The following CFAP221 variants were observed in gnomAD, a reference collection of about 807,000 sequenced individuals.
The protein encoded by CFAP221 is cilia- and flagella-associated protein 221.
Under a neutral mutation model 113.1 loss-of-function variants are expected in CFAP221, and 97 were observed. The observed-to-expected ratio is 0.86, with a 90% CI of 0.73 to 1.02. The LOEUF (loss-of-function observed/expected upper bound fraction) is 1.02, where lower values mean the gene tolerates loss of function less well. Among genes scored for constraint, CFAP221 ranks in the 50% least tolerant of loss-of-function variants. CFAP221 has a pLI of 0.00. For synonymous variants in CFAP221, 331 were observed against 354.4 expected (o/e 0.93, Z 0.74); for missense variants, 1,025 against 1,013.4 (o/e 1.01, Z -0.16).
intron 14 of CFAP221, among the ~76,000 whole-genome samples, chr2:119,620,691 G>A (rs1433257373): frequency 6.6e-6 from 1 of 152,052 alleles, no homozygotes; most frequent in Non-Finnish European, 1.5e-5. Context: ...CAATTAATGG[G>A]CAAAACAACC....
intron 21 of CFAP221, among the ~76,000 whole-genome samples, chr2:119,642,721 G>A (rs920709112): frequency 3.3e-5 from 5 of 151,828 alleles, no homozygotes; most frequent in Non-Finnish European, 5.9e-5. Context: ...TTTATTTATT[G>A]TAGAGATATG....
chr2:119,657,621 C>G (rs892962739), downstream of CFAP221, among the ~76,000 whole-genome samples: 1 of 152,196 alleles, frequency 6.6e-6, no homozygotes, highest in East Asian at 1.9e-4. Context: ...TGACAATGAT[C>G]AGAAACAGGA....
At chr2:119,630,177 T>G (rs1686668516) in intron 17 of CFAP221, among the ~76,000 whole-genome samples, 1 of 152,210 alleles carries the variant, frequency 6.6e-6, no homozygotes, top group Admixed American at 6.5e-5. Flanking sequence ...ACCTATATCA[T>G]GCATATATGA....
At chr2:119,632,348 A>C (rs1686829742) in intron 19 of CFAP221, among the ~76,000 whole-genome samples, 1 of 152,250 alleles carries the variant, frequency 6.6e-6, no homozygotes, top group East Asian at 1.9e-4. Context: ...ATACAAGATT[A>C]ATTTAACATT....
chr2:119,546,171 G>A lies in CFAP221; in HGVS notation c.40G>A (p.Ala14Thr), dbSNP rs1268556930. Residue 14 changes from alanine to threonine, a missense_variant, in exon 2 of 24, where the codon GCT becomes ACT. Transcript: ENST00000413369. Reference protein sequence around the residue: ...VKTPSRGLKNAKEPFNNASPH... With the variant: ...VKTPSRGLKNTKEPFNNASPH... ...AACCCCCAGCAGAGGACTAAAGAAT[G>A]CTAAAGAACCCTTTAATAATGCATC... The A allele has an allele frequency of 1.3e-6, 2 of 1,535,640 alleles. No individual in the cohort carries two copies. Among genetic ancestry groups the A allele is most frequent in the South Asian group, 2.4e-5 (2 of 83,936 alleles).
At chr2:119,583,521 T>C (rs1682992614) in intron 6 of CFAP221, among the ~76,000 whole-genome samples, 1 of 152,042 alleles carries the variant, frequency 6.6e-6, no homozygotes, top group Non-Finnish European at 1.5e-5. Flanking sequence ...GATAAACTTT[T>C]ACAACCCATA....
At chr2:119,600,670 G>A (rs539504244) in intron 7 of CFAP221, among the ~76,000 whole-genome samples, 2 of 152,320 alleles carry the variant, frequency 1.3e-5, no homozygotes, top group African/African-American at 4.8e-5. Context: ...AGAATGTACA[G>A]TTGACCCTTG....
chr2:119,659,094 T>C (rs1244531439), downstream of CFAP221, among the ~76,000 whole-genome samples: 1 of 152,186 alleles, frequency 6.6e-6, no homozygotes, highest in African/African-American at 2.4e-5. Flanking sequence ...CTTTCCTTAA[T>C]TGTAACTTCT....
intron 14 of CFAP221, among the ~76,000 whole-genome samples, chr2:119,617,263 A>G (rs1685591157): frequency 1.3e-5 from 2 of 152,200 alleles, no homozygotes; most frequent in African/African-American, 4.8e-5. Flanking sequence ...CCAAGGCCCC[A>G]TGACCCTCAC....
At chr2:119,576,266 G>T (rs902707769) in intron 6 of CFAP221, among the ~76,000 whole-genome samples, 19 of 151,960 alleles carry the variant, frequency 1.3e-4, no homozygotes, top group Non-Finnish European at 2.8e-4. Context: ...ATTTCACAGG[G>T]GTTTATTTTA....
chr2:119,624,348 A>G (rs988310262), intron 14 of CFAP221, among the ~76,000 whole-genome samples: 1 of 152,214 alleles, frequency 6.6e-6, no homozygotes, highest in South Asian at 2.1e-4. Context: ...TAGAATGGCA[A>G]TCATTAAAAA....
At chr2:119,640,681 C>T (rs969354856) in intron 21 of CFAP221, among the ~76,000 whole-genome samples, 1 of 152,176 alleles carries the variant, frequency 6.6e-6, no homozygotes, top group African/African-American at 2.4e-5. Context: ...ATGAGGCCCA[C>T]CCCAAGGTGG....
In CFAP221 at chr2:119,630,657, G is replaced by T. The variant is rs1230365309; in HGVS notation, c.1819G>T (p.Ala607Ser). ...TTACAGACCTCAAAAGCTTGCCCGAGCCCTAAAGCAAGGAGCTGAGGTAAC... is the reference window on the plus strand; with the variant it reads ...TTACAGACCTCAAAAGCTTGCCCGATCCCTAAAGCAAGGAGCTGAGGTAAC... Reference protein sequence around the residue: ...TSYRPQKLARALKQGAEDEVT... With the variant: ...TSYRPQKLARSLKQGAEDEVT... Residue 607 changes from alanine to serine, a missense_variant, in exon 18 of 24, where the codon GCC becomes TCC. Physicochemically the swap from Ala to Ser is moderately conservative, Grantham distance 99 (BLOSUM62 1). Transcript: ENST00000413369. 1.2e-6 allele frequency: 2 copies of T among 1,613,472 alleles called. No homozygotes were observed.
chr2:119,628,406 T>C (rs1435320691), intron 16 of CFAP221, among the ~76,000 whole-genome samples: 8 of 151,990 alleles, frequency 5.3e-5, no homozygotes, highest in African/African-American at 1.7e-4. Context: ...TGGTGCATTA[T>C]TGAAAAAGTG....
At chr2:119,625,815 A>G (rs1686271234) in intron 15 of CFAP221, 127 bp downstream of exon 15, 1 of 703,688 alleles carries the variant, frequency 1.4e-6, no homozygotes, top group Non-Finnish European at 2.4e-6. Flanking sequence ...TTAGTTTCCT[A>G]TCCTTGCTAT....
chr2:119,603,778 CTA>C (rs1253642693), intron 8 of CFAP221, among the ~76,000 whole-genome samples: 4 of 151,994 alleles, frequency 2.6e-5, no homozygotes, highest in African/African-American at 9.7e-5. Context: ...AAAAATATAA[CTA>C]TTTAGATAAA....
intron 15 of CFAP221, 123 bp from the exon 16 acceptor site, chr2:119,627,518 GATATATATATAT>G (rs57740311): frequency 6.0e-4 from 287 of 476,972 alleles, no homozygotes; most frequent in Admixed American, 7.1e-4. Flanking sequence ...AGTAAAAGTG[GATATATATATAT>G]ATATATATAT....
intron 6 of CFAP221, among the ~76,000 whole-genome samples, chr2:119,563,775 T>C (rs1681427529): frequency 6.6e-6 from 1 of 152,206 alleles, no homozygotes; most frequent in Non-Finnish European, 1.5e-5. Context: ...GATAGGACCA[T>C]GTCATCAATT....
chr2:119,609,668 T>C (rs1030282866), intron 12 of CFAP221, among the ~76,000 whole-genome samples: 3 of 152,180 alleles, frequency 2.0e-5, no homozygotes, highest in African/African-American at 7.2e-5. Flanking sequence ...TACCATCACA[T>C]GCTGAGTTCT....
Sources: gnomAD v4.1 joint callset for allele counts (sites outside exome capture counted in the v4.1 genomes callset) on GRCh38, gnomAD v4.1.1 for gene constraint, MANE v1.5 for transcripts, NCBI Gene and HGNC (gene_info 2026-07-23, HGNC 2026-07-21) for gene names.